Variants in SHISA9 observed in about 807,000 individuals in gnomAD.
SHISA9 encodes the protein shisa family member 9, also known as protein shisa-9.
SHISA9 carries 13 observed loss-of-function variants against 38.0 expected under a neutral mutation model. That is an observed-to-expected ratio of 0.34 (90% CI 0.22 to 0.54). The LOEUF is 0.54. Among genes scored for constraint, SHISA9 ranks in the 20% least tolerant of loss-of-function variants. The pLI, the probability that SHISA9 is intolerant of heterozygous loss-of-function variation, is 0.91. For missense variants in SHISA9, 538 were observed against 575.8 expected, an observed-to-expected ratio of 0.93 and a Z score of 0.67; for synonymous variants, 275 against 242.0, an observed-to-expected ratio of 1.14 and a Z score of -1.27.
chr16:13,003,252 C>G (rs998708672), intron 2 of SHISA9, among the ~76,000 whole-genome samples: 5 of 152,172 alleles, frequency 3.3e-5, no homozygotes, highest in Non-Finnish European at 7.3e-5. Context: ...CCCTAGGTCA[C>G]TGGGGAACCA....
At chr16:13,010,661 G>A (rs1281337951) in intron 2 of SHISA9, among the ~76,000 whole-genome samples, 1 of 152,074 alleles carries the variant, frequency 6.6e-6, no homozygotes, top group African/African-American at 2.4e-5. Flanking sequence ...AAAAATGCTA[G>A]TTGAATAATG....
intron 4 of SHISA9, among the ~76,000 whole-genome samples, chr16:13,217,335 A>G (rs2051180017): frequency 3.3e-5 from 5 of 152,294 alleles, no homozygotes; most frequent in Middle Eastern, 6.8e-3. Context: ...GGAAGACACC[A>G]TCTCAAGACC....
At chr16:13,052,739 C>T (rs966167428) in intron 2 of SHISA9, among the ~76,000 whole-genome samples, 5 of 152,082 alleles carry the variant, frequency 3.3e-5, no homozygotes, top group Non-Finnish European at 5.9e-5. Flanking sequence ...AGCCAAACCT[C>T]AAACATACTA....
the SHISA9 span, among the ~76,000 whole-genome samples, chr16:13,326,164 C>T: frequency 6.6e-6 from 1 of 151,980 alleles, no homozygotes; most frequent in Non-Finnish European, 1.5e-5. Context: ...AGAAAATTCT[C>T]TCTTACCCTG....
At chr16:13,451,486 C>T in the SHISA9 span, among the ~76,000 whole-genome samples, 2 of 152,102 alleles carry the variant, frequency 1.3e-5, no homozygotes, top group African/African-American at 4.8e-5. Flanking sequence ...CAGGAAAGAT[C>T]CAAGATGCTG....
At chr16:13,538,564 G>T in the SHISA9 span, among the ~76,000 whole-genome samples, 60 of 152,290 alleles carry the variant, frequency 3.9e-4, no homozygotes, top group African/African-American at 1.2e-3. Context: ...GGCAATGTAT[G>T]TTTTTGCTTC....
chr16:13,390,178 C>T, the SHISA9 span, among the ~76,000 whole-genome samples: 19 of 151,190 alleles, frequency 1.3e-4, no homozygotes, highest in Non-Finnish European at 2.8e-4. Flanking sequence ...TTTTCTCTCT[C>T]TCTTTTTATA....
chr16:12,953,071 A>C (rs1425087008), intron 2 of SHISA9, among the ~76,000 whole-genome samples: 1 of 152,172 alleles, frequency 6.6e-6, no homozygotes, highest in Non-Finnish European at 1.5e-5. Flanking sequence ...AAAATAAAGA[A>C]GGACAAAGGA....
At chr16:13,201,726 G>C (rs1007613196) in intron 2 of SHISA9, among the ~76,000 whole-genome samples, 2 of 128,900 alleles carry the variant, frequency 1.6e-5, no homozygotes, top group African/African-American at 6.3e-5. Context: ...TGAGGCAAGG[G>C]GCTGGTCTTT....
At chr16:12,962,786 C>T (rs1402875655) in intron 2 of SHISA9, among the ~76,000 whole-genome samples, 6 of 152,220 alleles carry the variant, frequency 3.9e-5, no homozygotes, top group South Asian at 2.1e-4. Flanking sequence ...CATTTCCCCT[C>T]GCCACTTTGA....
chr16:12,956,432 T>C (rs1162180780), intron 2 of SHISA9, among the ~76,000 whole-genome samples: 1 of 152,228 alleles, frequency 6.6e-6, no homozygotes, highest in Non-Finnish European at 1.5e-5. Flanking sequence ...TGCATTCATG[T>C]TTATTTCAGC....
chr16:13,491,321 C>T, the SHISA9 span, among the ~76,000 whole-genome samples: 1 of 151,588 alleles, frequency 6.6e-6, no homozygotes, highest in African/African-American at 2.4e-5. Context: ...CACTGATTAC[C>T]ATGTTGTGTA....
chr16:13,093,021 A>G (rs965002184), intron 2 of SHISA9, among the ~76,000 whole-genome samples: 2 of 152,164 alleles, frequency 1.3e-5, no homozygotes, highest in Non-Finnish European at 2.9e-5. Context: ...TGAACCTAAC[A>G]CTTTTTGACA....
the SHISA9 span, among the ~76,000 whole-genome samples, chr16:13,438,573 A>T: frequency 2.6e-5 from 4 of 152,224 alleles, no homozygotes; most frequent in Non-Finnish European, 5.9e-5. Flanking sequence ...TCCTTACAGA[A>T]ATGTAACTGA....
chr16:13,067,842 C>T (rs187454307), intron 2 of SHISA9, among the ~76,000 whole-genome samples: 8 of 152,326 alleles, frequency 5.3e-5, no homozygotes, highest in South Asian at 2.1e-4. Context: ...GCAGCCCCCA[C>T]GCTGCTGCCT....
chr16:13,268,045 C>G, the SHISA9 span, among the ~76,000 whole-genome samples: 1 of 152,036 alleles, frequency 6.6e-6, no homozygotes, highest in Middle Eastern at 3.2e-3. Flanking sequence ...AACTGCTACA[C>G]AAATTCATGG....
intron 2 of SHISA9, among the ~76,000 whole-genome samples, chr16:13,047,814 G>A (rs1378728441): frequency 1.3e-5 from 2 of 152,148 alleles, no homozygotes; most frequent in Non-Finnish European, 2.9e-5. Context: ...AGTTTACTGA[G>A]CACTTGCCAT....
At chr16:13,209,900 A>T (rs773992800) in intron 3 of SHISA9, among the ~76,000 whole-genome samples, 1 of 152,186 alleles carries the variant, frequency 6.6e-6, no homozygotes, top group Non-Finnish European at 1.5e-5. Context: ...GGAGATCGAG[A>T]CCATCCTGGT....
the SHISA9 span, among the ~76,000 whole-genome samples, chr16:13,475,921 C>G: frequency 6.6e-6 from 1 of 152,086 alleles, no homozygotes; most frequent in African/African-American, 2.4e-5. Context: ...TGCTGCTGAT[C>G]TGGCAGGAGG....
Sources: allele counts gnomAD v4.1 joint callset (sites outside exome capture counted in the v4.1 genomes callset), GRCh38; gene constraint gnomAD v4.1.1; transcripts MANE v1.5; gene names NCBI Gene and HGNC (gene_info 2026-07-23, HGNC 2026-07-21).